ADAM10: variants seen among roughly 807,000 people sequenced by gnomAD.
ADAM10 encodes the protein ADAM metallopeptidase domain 10.
A neutral mutation model predicts 90.1 loss-of-function variants in ADAM10; 17 were observed. That is an observed-to-expected ratio of 0.19 (90% CI 0.13 to 0.28). ADAM10 has a LOEUF of 0.28. Ranked by LOEUF, ADAM10 falls within the 10% of genes least tolerant of loss-of-function variation. ADAM10 has a pLI of 1.00. For synonymous variants in ADAM10, 310 were observed against 298.6 expected (o/e 1.04, Z -0.40); for missense variants, 610 against 914.3 (o/e 0.67, Z 4.29).
chr15:58,663,764 A>T (rs1217842894), intron 5 of ADAM10, among the ~76,000 whole-genome samples: 1 of 152,072 alleles, frequency 6.6e-6, no homozygotes, highest in African/African-American at 2.4e-5. Context: ...CATAGGTCTT[A>T]TAATTCTTTG....
At position 58,652,333 on chromosome 15, in the gene ADAM10, G is replaced by A. The variant is rs115846110; in HGVS notation, c.586-6129C>T. Among the ~76,000 whole-genome samples, 1,501 of 152,096 alleles carry A rather than the reference G, an allele frequency of 9.9e-3. 38 individuals are homozygous for A. The highest frequency in any genetic ancestry group is 0.033 in the African/African-American group (1,387 of 41,490). ...GAAATTTTTGTCCACATGAAAGTGG[G>A]GAGTTTCTTCAACGTTTTCTTGCAG... On this transcript the variant is annotated intron_variant, in intron 5 of 15. Coordinates refer to ENST00000260408, the MANE Select transcript of ADAM10 (RefSeq NM_001110.4).
chr15:58,610,239 A>G (rs559729171), intron 14 of ADAM10, 58 bp downstream of exon 14: 19 of 1,456,698 alleles, frequency 1.3e-5, no homozygotes, highest in Non-Finnish European at 1.8e-5. Context: ...ACTTCTGGCC[A>G]AGTAAAATTA....
chr15:58,635,070 G>A (rs1337926847), intron 8 of ADAM10, among the ~76,000 whole-genome samples: 1 of 151,494 alleles, frequency 6.6e-6, no homozygotes, highest in Non-Finnish European at 1.5e-5. Flanking sequence ...GAAACACAAG[G>A]TCAGGAGATT....
At position 58,610,599 on chromosome 15, in the gene ADAM10, AAG is replaced by A. The variant is rs1355093346; in HGVS notation, c.1805-84_1805-83del. 15 of 1,399,286 alleles carry A rather than the reference AAG, an allele frequency of 1.1e-5. No homozygotes were observed. The Admixed American group carries it at 1.3e-4, about 12-fold the overall frequency. 86.7% of individuals were successfully genotyped at this position (1,399,286 alleles called of 1,614,324 possible). A position where few individuals can be genotyped will look rare whatever the true frequency, so the allele number is the denominator to read the frequency against. On this transcript the variant is annotated intron_variant, in intron 13 of 15. Transcript: ENST00000260408. ...TCAGATTTCCAGTTGTGCAAATACA[AAG>A]AGGGAAAAAAAACTGAAATCATTAC... is the stretch of plus-strand genomic sequence containing the variant.
chr15:58,747,359 G>A (rs1367069343), intron 1 of ADAM10: 1 of 152,136 alleles, frequency 6.6e-6, no homozygotes, highest in East Asian at 1.9e-4. Context: ...GGAGGTGGAA[G>A]CAACAAAAAG....
intron 1 of ADAM10, among the ~76,000 whole-genome samples, chr15:58,723,084 C>G (rs750566727): frequency 6.6e-6 from 1 of 151,950 alleles, no homozygotes; most frequent in Non-Finnish European, 1.5e-5. Context: ...AAATACAACA[C>G]TGGTCATAAC....
At chr15:58,659,053 T>C (rs1429767001) in intron 5 of ADAM10, among the ~76,000 whole-genome samples, 2 of 152,112 alleles carry the variant, frequency 1.3e-5, no homozygotes, top group East Asian at 1.9e-4. Context: ...AGCAGGCAGA[T>C]CATGAGTTCA....
At chr15:58,625,982 CA>C (rs142332095) in intron 10 of ADAM10, among the ~76,000 whole-genome samples, 18,965 of 151,942 alleles carry the variant, frequency 0.12, 1,433 homozygotes, top group East Asian at 0.4. Context: ...AACAGGGTAG[CA>C]GGGGGGAGGA....
chr15:58,611,195 A>C, intron 12 of ADAM10, 88 bp from the exon 13 acceptor site: 1 of 899,054 alleles, frequency 1.1e-6, no homozygotes, highest in Admixed American at 1.9e-5. Context: ...ATGAGCTTCC[A>C]ATGTCAAAAT....
rs139363535 is a variant in ADAM10 at position 58,679,652 on chromosome 15, C to A, written c.326-370G>T. ...GCACAGTGTGGTTCACACCTATAAT[C>A]CCAGCACTTTGGGGGGCCGAGGTGG... On this transcript the variant is annotated intron_variant, in intron 3 of 15. Coordinates refer to ENST00000260408, the MANE Select transcript of ADAM10 (RefSeq NM_001110.4). 6.9e-3 allele frequency among the ~76,000 whole-genome samples: 1,057 copies of A among 152,258 alleles called. 14 individuals carry two copies. The highest frequency in any genetic ancestry group is 0.024 in the African/African-American group (1,010 of 41,546).
At chr15:58,719,320 G>A (rs890490714) in intron 1 of ADAM10, among the ~76,000 whole-genome samples, 9 of 148,776 alleles carry the variant, frequency 6.0e-5, no homozygotes, top group East Asian at 5.8e-4. Context: ...GTGAAATTCC[G>A]TCTCAAAGAA....
In ADAM10 at chr15:58,640,853, G is replaced by A. The variant is rs200389261; in HGVS notation, c.936C>T (p.Tyr312=). 115 of 1,614,046 alleles carry A rather than the reference G, an allele frequency of 7.1e-5. No individual in the cohort carries two copies. Among genetic ancestry groups the A allele is most frequent in the Non-Finnish European group, 7.2e-5 (85 of 1,180,012 alleles). ...GGTCTGTGAAGACATAGGCCAAACA[G>A]TAGTCATCATGATTCTGCTCAGAAT... ...ELNSEQNHDD[Y]CLAYVFTDRD... The change falls in exon 8 of 16, where the codon TAC becomes TAT. Residue 312 remains tyrosine (Y), a synonymous_variant. Transcript: ENST00000260408.
chr15:58,727,354 C>T (rs1899073573), intron 1 of ADAM10, among the ~76,000 whole-genome samples: 1 of 152,102 alleles, frequency 6.6e-6, no homozygotes. Context: ...CCACACCCAG[C>T]TAATTTTTGT....
Position 58,590,688 on chromosome 15 carries a change from T to C in ADAM10, c.*6859A>G, listed in dbSNP as rs1894805801. ...ACACCTTAATTTATAAAAACCGGCC[T>C]GTTGTATTTAGAAACACAAAGGCTA... is the stretch of plus-strand genomic sequence containing the variant. On this transcript the variant is annotated 3_prime_UTR_variant, in exon 16 of 16. Transcript: ENST00000260408. The C allele has an allele frequency of 6.6e-6, 1 of 152,124 alleles. No homozygotes were observed. Among genetic ancestry groups the C allele is most frequent in the Admixed American group, 6.6e-5 (1 of 15,262 alleles). 9.4% of individuals were successfully genotyped at this position (152,124 alleles called of 1,614,324 possible).
At chr15:58,743,915 T>C (rs1442974129) in intron 1 of ADAM10, among the ~76,000 whole-genome samples, 1 of 152,208 alleles carries the variant, frequency 6.6e-6, no homozygotes, top group Non-Finnish European at 1.5e-5. Context: ...GCCAACACTT[T>C]TTCTTAATTC....
chr15:58,682,464 T>C (rs778424516), intron 2 of ADAM10, 150 bp from the exon 3 acceptor site: 1 of 1,311,526 alleles, frequency 7.6e-7, no homozygotes, highest in African/African-American at 1.5e-5. Context: ...TTTAAAGACA[T>C]ATTCTGCTCT....
At position 58,748,718 on chromosome 15, in the gene ADAM10, T is replaced by C. The variant is rs1386557115; in HGVS notation, c.55+762A>G. ...AATCCAGCCTACAAATCAAAGAACA[T>C]CCCCAAATGGTTTACCCTTCTCCCG... On this transcript the variant is annotated intron_variant, in intron 1 of 15. Coordinates refer to ENST00000260408, the MANE Select transcript of ADAM10 (RefSeq NM_001110.4). 2.8e-5 allele frequency: 11 copies of C among 386,500 alleles called. No individual in the cohort carries two copies. In the East Asian group the frequency reaches 4.0e-4, roughly 14 times the overall value. The allele number at this position is 386,500 out of a possible 1,614,324, so 23.9% of individuals were successfully genotyped here. A position where few individuals can be genotyped will look rare whatever the true frequency, so the allele number is the denominator to read the frequency against.
intron 2 of ADAM10, among the ~76,000 whole-genome samples, chr15:58,710,554 C>T (rs977241677): frequency 1.3e-4 from 20 of 152,156 alleles, no homozygotes; most frequent in African/African-American, 4.8e-4. Flanking sequence ...TAAAGAATAC[C>T]ATATCCTAGA....
chr15:58,593,677 AT>A lies in ADAM10; in HGVS notation c.*3869del, dbSNP rs1894879091. The A allele has an allele frequency of 6.6e-6, 1 of 152,184 alleles. No homozygotes were observed. The highest frequency in any genetic ancestry group is 1.5e-5 in the Non-Finnish European group (1 of 68,032). The allele number at this position is 152,184 out of a possible 1,614,324, so 9.4% of individuals were successfully genotyped here. ...TCCTTGTTGGATTACCCCACACCCTATCACTTTAGTGTAGATTTCAGGAAAA... is the reference window on the plus strand; with the variant it reads ...TCCTTGTTGGATTACCCCACACCCTACACTTTAGTGTAGATTTCAGGAAAA... On this transcript the variant is annotated 3_prime_UTR_variant, in exon 16 of 16. Transcript: ENST00000260408.
Sources: allele counts gnomAD v4.1 joint callset (sites outside exome capture counted in the v4.1 genomes callset), GRCh38; gene constraint gnomAD v4.1.1; transcripts MANE v1.5; gene names NCBI Gene and HGNC (gene_info 2026-07-23, HGNC 2026-07-21).